FAT3: variants seen among roughly 807,000 people sequenced by gnomAD.
FAT3 encodes the protein protocadherin Fat 3.
Under a neutral mutation model 310.2 loss-of-function variants are expected in FAT3, and 95 were observed. The observed-to-expected ratio is 0.31, with a 90% CI of 0.26 to 0.36. FAT3 has a LOEUF of 0.36. Ranked by LOEUF, FAT3 falls within the 10% of genes least tolerant of loss-of-function variation. The probability of loss-of-function intolerance (pLI) is 1.00; values close to 1 mark genes in which losing one functional copy is unlikely to be tolerated. For missense variants in FAT3, 5,408 were observed against 5,715.6 expected, an observed-to-expected ratio of 0.95 and a Z score of 1.74; for synonymous variants, 2,314 against 2,192.9, an observed-to-expected ratio of 1.06 and a Z score of -1.54.
rs764328301 is a variant in FAT3 at position 92,273,530 on chromosome 11, C to T, written c.-18+48356C>T. On this transcript the variant is annotated intron_variant, in intron 1 of 27. Coordinates refer to ENST00000525166, the MANE Select transcript of FAT3 (RefSeq NM_001367949.2). ...GATATCGATCTGGTAATGTTTCCTG[C>T]GGTCCTAGTTGTAATAACTGTATAA... 1.1e-4 allele frequency among the ~76,000 whole-genome samples: 16 copies of T among 152,062 alleles called. 1 individual carries two copies. Among genetic ancestry groups the T allele is most frequent in the Admixed American group, 9.8e-4 (15 of 15,266 alleles).
intron 6 of FAT3, among the ~76,000 whole-genome samples, chr11:92,771,089 C>T (rs1946444507): frequency 6.6e-6 from 1 of 152,160 alleles, no homozygotes; most frequent in African/African-American, 2.4e-5. Flanking sequence ...CAGCAACGCT[C>T]AGGCTGTGGC....
At chr11:92,343,316 G>T (rs564010622) in intron 1 of FAT3, among the ~76,000 whole-genome samples, 1 of 122,790 alleles carries the variant, frequency 8.1e-6, no homozygotes, top group Non-Finnish European at 1.5e-5. Flanking sequence ...GAAGGCTTTG[G>T]TTAGGGATTT....
chr11:92,412,736 T>TATATACACAC lies in FAT3; in HGVS notation c.3292+57337_3292+57338insCACACATATA, dbSNP rs1591252620. 6.0e-4 allele frequency among the ~76,000 whole-genome samples: 9 copies of TATATACACAC among 14,960 alleles called. 1 individual carries two copies. The highest frequency in any genetic ancestry group is 2.7e-3 in the Admixed American group (2 of 740). 9.8% of individuals were successfully genotyped at this position (14,960 alleles called of 152,430 possible). On this transcript the variant is annotated intron_variant, in intron 2 of 27. Coordinates refer to ENST00000525166, the MANE Select transcript of FAT3 (RefSeq NM_001367949.2). ...ATATATATATATATATATATATATA[T>TATATACACAC]ATATATATAAATATACATACATATA...
rs57810128 is a variant in FAT3 at position 92,547,938 on chromosome 11, G to T, written c.3607+22990G>T. Among the ~76,000 whole-genome samples, 227 of 152,256 alleles carry T rather than the reference G, an allele frequency of 1.5e-3. 6 individuals carry two copies. In the East Asian group the frequency reaches 0.04, roughly 27 times the overall value. ...GGGGCACATCTCCTTGGCTTCTTGG[G>T]CTCCTGGCCCTGTGTGGAGAGGCAT... On this transcript the variant is annotated intron_variant, in intron 3 of 27. Transcript: ENST00000525166.
chr11:92,349,638 T>G (rs1331266607), intron 1 of FAT3, among the ~76,000 whole-genome samples: 3 of 152,178 alleles, frequency 2.0e-5, no homozygotes, highest in African/African-American at 7.2e-5. Context: ...CTGAGCAGGG[T>G]CACCAGCGGC....
chr11:92,795,071 C>T (rs139423230), intron 9 of FAT3, among the ~76,000 whole-genome samples: 147 of 152,220 alleles, frequency 9.7e-4, no homozygotes, highest in African/African-American at 3.0e-3. Context: ...AAAGTAACTA[C>T]GGAAGCTTTT....
intron 2 of FAT3, among the ~76,000 whole-genome samples, chr11:92,411,765 A>G (rs1950274824): frequency 6.6e-6 from 1 of 151,910 alleles, no homozygotes; most frequent in Non-Finnish European, 1.5e-5. Context: ...TTCTGAATCT[A>G]AATTCATCGT....
chr11:92,443,845 G>A (rs1039734034), intron 2 of FAT3, among the ~76,000 whole-genome samples: 2 of 151,998 alleles, frequency 1.3e-5, no homozygotes, highest in Non-Finnish European at 2.9e-5. Flanking sequence ...ATAAGAAGAG[G>A]AGGAAGAGGA....
chr11:92,341,470 G>C (rs143030206), intron 1 of FAT3, among the ~76,000 whole-genome samples: 1 of 152,186 alleles, frequency 6.6e-6, no homozygotes, highest in Non-Finnish European at 1.5e-5. Context: ...TGGGGAATAC[G>C]GGAGAGCCGA....
rs1215001816 is a variant in FAT3, at chr11:92,757,555, G to A, written c.3670-4301G>A. ...TTCGAAGGGAGGTTTCAGGCCTAAC[G>A]TATTATGAAGTCTGAAGTCTGAGAA... On this transcript the variant is annotated intron_variant, in intron 4 of 27. Coordinates refer to ENST00000525166, the MANE Select transcript of FAT3 (RefSeq NM_001367949.2). Among the ~76,000 whole-genome samples the A allele has an allele frequency of 2.6e-5, 4 of 152,146 alleles. No homozygotes were observed. In the South Asian group the frequency reaches 6.2e-4, roughly 24 times the overall value.
At chr11:92,660,553 T>A (rs1332626594) in intron 3 of FAT3, among the ~76,000 whole-genome samples, 1 of 152,202 alleles carries the variant, frequency 6.6e-6, no homozygotes, top group Non-Finnish European at 1.5e-5. Flanking sequence ...TGCATCCTGC[T>A]CTTGCCAGTG....
intron 2 of FAT3, among the ~76,000 whole-genome samples, chr11:92,433,657 A>G (rs190661382): frequency 8.5e-5 from 13 of 152,260 alleles, no homozygotes; most frequent in Middle Eastern, 3.4e-3. Flanking sequence ...CGGGAGCTGC[A>G]GACCAGAGCT....
At position 92,404,839 on chromosome 11, in the gene FAT3, ACT is replaced by A. The variant is rs1950102468; in HGVS notation, c.3292+49440_3292+49441del. ...CAAAAAGGCAGAAGAAGGGCCATTC[ACT>A]CTCTTTGCCTGAGCTGGGACATCTA... On this transcript the variant is annotated intron_variant, in intron 2 of 27. Transcript: ENST00000525166. 2.0e-5 allele frequency among the ~76,000 whole-genome samples: 3 copies of A among 151,776 alleles called. No individual in the cohort carries two copies. The South Asian group carries it at 6.3e-4, about 32-fold the overall frequency.
At chr11:92,305,183 G>A (rs1947089559) in intron 1 of FAT3, among the ~76,000 whole-genome samples, 1 of 151,974 alleles carries the variant, frequency 6.6e-6, no homozygotes. Context: ...GAAGACCTTG[G>A]AGTTTTCACA....
At chr11:92,538,972 A>G (rs1453148457) in intron 3 of FAT3, among the ~76,000 whole-genome samples, 1 of 152,140 alleles carries the variant, frequency 6.6e-6, no homozygotes, top group Non-Finnish European at 1.5e-5. Context: ...GCCAATGACC[A>G]TTTTTAAATG....
At chr11:92,381,896 T>C (rs1232129827) in intron 2 of FAT3, among the ~76,000 whole-genome samples, 2 of 152,160 alleles carry the variant, frequency 1.3e-5, no homozygotes, top group Non-Finnish European at 2.9e-5. Flanking sequence ...GAAGGAAATA[T>C]GAGATGTCTT....
chr11:92,689,873 C>A, intron 3 of FAT3, among the ~76,000 whole-genome samples: 1 of 152,100 alleles, frequency 6.6e-6, no homozygotes, highest in Non-Finnish European at 1.5e-5. Context: ...CCCTTGTTGG[C>A]CCCACCTTAC....
At chr11:92,856,587 C>A (rs1326630873) in intron 19 of FAT3, among the ~76,000 whole-genome samples, 1 of 152,168 alleles carries the variant, frequency 6.6e-6, no homozygotes, top group East Asian at 1.9e-4. Flanking sequence ...GAAGGGAAGC[C>A]TTCCCTTGCC....
At chr11:92,369,460 A>G (rs773612342) in intron 2 of FAT3, among the ~76,000 whole-genome samples, 1 of 152,192 alleles carries the variant, frequency 6.6e-6, no homozygotes, top group Non-Finnish European at 1.5e-5. Flanking sequence ...AATGTTGCAA[A>G]GGACATAGAC....
Sources: gnomAD v4.1 joint callset for allele counts (sites outside exome capture counted in the v4.1 genomes callset) on GRCh38, gnomAD v4.1.1 for gene constraint, MANE v1.5 for transcripts, NCBI Gene and HGNC (gene_info 2026-07-23, HGNC 2026-07-21) for gene names.